VEZF1: variants seen among roughly 807,000 people sequenced by gnomAD.
VEZF1 encodes vascular endothelial zinc finger 1.
Under a neutral mutation model 44.1 loss-of-function variants are expected in VEZF1, and 5 were observed. That is an observed-to-expected ratio of 0.11 (90% CI 0.06 to 0.24). The LOEUF is 0.24. Ranked by LOEUF, VEZF1 falls within the 10% of genes least tolerant of loss-of-function variation. The probability of loss-of-function intolerance (pLI) is 1.00; values close to 1 mark genes in which losing one functional copy is unlikely to be tolerated. For synonymous variants in VEZF1, 236 were observed against 233.1 expected (o/e 1.01, Z -0.11); for missense variants, 358 against 641.8 (o/e 0.56, Z 4.78).
rs1212301317 is a variant in VEZF1, at chr17:57,980,682, T to C, written c.897A>G (p.Ala299=). 5 of 1,614,006 alleles carry C rather than the reference T, an allele frequency of 3.1e-6. No homozygotes were observed. The highest frequency in any genetic ancestry group is 1.1e-5 in the South Asian group (1 of 91,082). The change falls in exon 4 of 6, where the codon GCA becomes GCG. Residue 299 remains alanine, a synonymous_variant. Transcript: ENST00000581208. The stretch of plus-strand genomic sequence containing the variant: ...GAGTCTTTAAGTGGCTGGTGATGTA[T>C]GCTGCACTCAGGAGCTTCCCACAGA... ...CNICGKLLSA[A]YITSHLKTHG...
At chr17:57,976,616 G>A (rs2075193915) in intron 5 of VEZF1, among the ~76,000 whole-genome samples, 1 of 152,134 alleles carries the variant, frequency 6.6e-6, no homozygotes, top group Non-Finnish European at 1.5e-5. Flanking sequence ...TTTCAGGTCA[G>A]GAGTCTCCTC....
intron 4 of VEZF1, among the ~76,000 whole-genome samples, chr17:57,979,681 C>T (rs140657594): frequency 2.3e-3 from 357 of 152,022 alleles, no homozygotes; most frequent in African/African-American, 7.6e-3. Context: ...GTTTATAGGC[C>T]GGGTGCAGTG....
At chr17:57,977,116 ATTTGT>A (rs2075199461) in intron 5 of VEZF1, among the ~76,000 whole-genome samples, 1 of 151,834 alleles carries the variant, frequency 6.6e-6, no homozygotes, top group Admixed American at 6.6e-5. Context: ...ACAAAAGTTC[ATTTGT>A]TTTGTTTTTT....
intron 1 of VEZF1, chr17:57,985,517 G>T: frequency 2.3e-6 from 2 of 887,372 alleles, no homozygotes; most frequent in Non-Finnish European, 2.7e-6. Flanking sequence ...TCAGTTAAGT[G>T]ATTTATTTTA....
chr17:57,987,643 G>C (rs1051402375), intron 1 of VEZF1, among the ~76,000 whole-genome samples: 1 of 152,056 alleles, frequency 6.6e-6, no homozygotes, highest in Non-Finnish European at 1.5e-5. Flanking sequence ...AGGAGACTCA[G>C]GGCAGGACCT....
chr17:57,982,667 G>GAAGCA (rs71143220), intron 2 of VEZF1, 32 bp downstream of exon 2: 91,016 of 1,559,368 alleles, frequency 0.058, 2,841 homozygotes, highest in African/African-American at 0.083. Context: ...ATACCATAAT[G>GAAGCA]AAGCAAAGCA....
chr17:57,987,456 C>CA (rs2075307322), intron 1 of VEZF1, among the ~76,000 whole-genome samples: 1 of 152,248 alleles, frequency 6.6e-6, no homozygotes, highest in African/African-American at 2.4e-5. Context: ...TCCGCCCCCC[C>CA]AACTGGGTAA....
Position 57,983,943 on chromosome 17 carries a change from A to G in VEZF1, c.34-550T>C, listed in dbSNP as rs558652453. Among the ~76,000 whole-genome samples, 27 of 152,330 alleles carry G rather than the reference A, an allele frequency of 1.8e-4. No homozygotes were observed. In the South Asian group the frequency reaches 4.6e-3, roughly 26 times the overall value. On this transcript the variant is annotated intron_variant, in intron 1 of 5. Coordinates refer to ENST00000581208, the MANE Select transcript of VEZF1 (RefSeq NM_007146.3). ...ATCTAGTTCTCTAAATACATTTGCT[A>G]GTCGTTAACGTTAAGTTTTCACTTG...
rs3744107 is a variant in VEZF1 at position 57,985,741 on chromosome 17, T to C, written c.33+2338A>G. Among the ~76,000 whole-genome samples the C allele has an allele frequency of 5.3e-5, 8 of 152,338 alleles. No homozygotes were observed. The East Asian group carries it at 1.3e-3, about 26-fold the overall frequency. ...ATCTCCAGTGCCAGAGGGTAAAAGA[T>C]TTTGTACTGAACAAATTAACATCGG... On this transcript the variant is annotated intron_variant, in intron 1 of 5. Coordinates refer to ENST00000581208, the MANE Select transcript of VEZF1 (RefSeq NM_007146.3).
chr17:57,987,831 G>C (rs1034114682), intron 1 of VEZF1, among the ~76,000 whole-genome samples: 3 of 151,960 alleles, frequency 2.0e-5, no homozygotes, highest in South Asian at 2.1e-4. Context: ...GTGTGTGTGC[G>C]TGTGTGTGCT....
chr17:57,975,359 G>C (rs1464179584), intron 5 of VEZF1, among the ~76,000 whole-genome samples: 1 of 152,206 alleles, frequency 6.6e-6, no homozygotes, highest in East Asian at 1.9e-4. Context: ...CACAATAACA[G>C]ATAATCAGAA....
intron 1 of VEZF1, among the ~76,000 whole-genome samples, chr17:57,984,733 C>T (rs972066098): frequency 6.6e-6 from 1 of 152,212 alleles, no homozygotes; most frequent in Non-Finnish European, 1.5e-5. Flanking sequence ...ATCTACCACA[C>T]ATTGCTTCTA....
rs920505737 is a variant in VEZF1, at chr17:57,972,417, C to A, written c.*2056G>T. The A allele has an allele frequency of 2.1e-5, 3 of 142,920 alleles. No homozygotes were observed. The highest frequency in any genetic ancestry group is 4.7e-5 in the Non-Finnish European group (3 of 64,308). 8.9% of individuals were successfully genotyped at this position (142,920 alleles called of 1,614,324 possible). The stretch of plus-strand genomic sequence containing the variant: ...AAATGTGAACTTCCTCCAAATGTGG[C>A]CACTGTGCCTCCCAATCCAGGCCTC... On this transcript the variant is annotated 3_prime_UTR_variant, in exon 6 of 6. Transcript: ENST00000581208.
chr17:57,981,673 C>T (rs1431132918), intron 3 of VEZF1, among the ~76,000 whole-genome samples, 200 bp downstream of exon 3: 1 of 151,782 alleles, frequency 6.6e-6, no homozygotes, highest in African/African-American at 2.4e-5. Flanking sequence ...AAAAACAACA[C>T]GCTTAAATTT....
Position 57,974,451 on chromosome 17 carries a change from T to C in VEZF1, c.*22A>G, listed in dbSNP as rs1260292833. ...GCTGGTAAATATTTACTTTTACCCATATTTTGATTTTATAATACTGTTTAC... is the reference window on the plus strand; with the variant it reads ...GCTGGTAAATATTTACTTTTACCCACATTTTGATTTTATAATACTGTTTAC... On this transcript the variant is annotated 3_prime_UTR_variant, in exon 6 of 6. Transcript: ENST00000581208. The C allele has an allele frequency of 1.3e-6, 2 of 1,591,258 alleles. No homozygotes were observed. The highest frequency in any genetic ancestry group is 1.3e-5 in the African/African-American group (1 of 74,324).
chr17:57,986,925 C>T (rs950422279), intron 1 of VEZF1, among the ~76,000 whole-genome samples: 1 of 152,186 alleles, frequency 6.6e-6, no homozygotes, highest in African/African-American at 2.4e-5. Context: ...TCCTAACCTC[C>T]TCCAGTTCCG....
chr17:57,982,541 G>C (rs147717230), intron 2 of VEZF1, among the ~76,000 whole-genome samples, 158 bp downstream of exon 2: 1 of 152,248 alleles, frequency 6.6e-6, no homozygotes, highest in Non-Finnish European at 1.5e-5. Context: ...ACTGAGGTTA[G>C]ACCTGGAGGT....
intron 4 of VEZF1, among the ~76,000 whole-genome samples, chr17:57,980,129 CT>C (rs1404525277): frequency 6.6e-6 from 1 of 152,152 alleles, no homozygotes; most frequent in Non-Finnish European, 1.5e-5. Flanking sequence ...TCCCCATTCT[CT>C]TGTGGCCACC....
In VEZF1 at chr17:57,974,259, A is replaced by C. The variant is rs1598042011; in HGVS notation, c.*214T>G. ...TAAGCAATGTTGTCAGCTAAAAGGAATTTCTGATTAAACTAAAGTGGTCCA... is the reference window on the plus strand; with the variant it reads ...TAAGCAATGTTGTCAGCTAAAAGGACTTTCTGATTAAACTAAAGTGGTCCA... On this transcript the variant is annotated 3_prime_UTR_variant, in exon 6 of 6. Transcript: ENST00000581208. 1 of 583,842 alleles carries C rather than the reference A, an allele frequency of 1.7e-6. No homozygotes were observed. Among genetic ancestry groups the C allele is most frequent in the East Asian group, 2.8e-5 (1 of 35,522 alleles). The allele number at this position is 583,842 out of a possible 1,614,324, so 36.2% of individuals were successfully genotyped here.
Sources: allele counts gnomAD v4.1 joint callset (sites outside exome capture counted in the v4.1 genomes callset), GRCh38; gene constraint gnomAD v4.1.1; transcripts MANE v1.5; gene names NCBI Gene and HGNC (gene_info 2026-07-23, HGNC 2026-07-21).